ITGA2: variants seen among roughly 807,000 people sequenced by gnomAD.
ITGA2 encodes integrin subunit alpha 2, also known as integrin alpha-2.
Under a neutral mutation model 146.3 loss-of-function variants are expected in ITGA2, and 101 were observed. That is an observed-to-expected ratio of 0.69 (90% CI 0.59 to 0.81). The LOEUF is 0.81. Ranked by LOEUF, ITGA2 falls within the 40% of genes least tolerant of loss-of-function variation. The pLI, the probability that ITGA2 is intolerant of heterozygous loss-of-function variation, is 0.00. For missense variants in ITGA2, 1,281 were observed against 1,402.7 expected (o/e 0.91, Z 1.39); for synonymous variants, 477 against 487.1 (o/e 0.98, Z 0.27).
intron 2 of ITGA2, among the ~76,000 whole-genome samples, chr5:53,033,071 C>G (rs1246911820): frequency 9.9e-5 from 15 of 152,126 alleles, no homozygotes; most frequent in Admixed American, 9.8e-4. Context: ...AGTTCGAGAC[C>G]AGTCTGGCTA....
intron 1 of ITGA2, among the ~76,000 whole-genome samples, chr5:52,992,259 G>A (rs1377843841): frequency 6.6e-6 from 1 of 151,966 alleles, no homozygotes; most frequent in African/African-American, 2.4e-5. Flanking sequence ...CTCCTTCACA[G>A]GCTCTTTCCT....
At chr5:53,070,835 T>A (rs1745358574) in intron 17 of ITGA2, among the ~76,000 whole-genome samples, 1 of 151,926 alleles carries the variant, frequency 6.6e-6, no homozygotes, top group Admixed American at 6.6e-5. Flanking sequence ...TGTGAATATT[T>A]CCACCTTGGA....
intron 6 of ITGA2, among the ~76,000 whole-genome samples, 178 bp from the exon 7 acceptor site, chr5:53,051,233 T>C (rs1016175824): frequency 6.6e-6 from 1 of 152,206 alleles, no homozygotes; most frequent in East Asian, 1.9e-4. Context: ...TGATGGCCTC[T>C]AACAGAGAAG....
At position 53,016,622 on chromosome 5, in the gene ITGA2, A is replaced by C. The variant is rs142441395; in HGVS notation, c.65-10126A>C. ...GGTTCTCTGCATTTCCTGAATTTAAATGTTGGCGTCTGCAATGAGGTTGGG... is the reference window on the plus strand; with the variant it reads ...GGTTCTCTGCATTTCCTGAATTTAACTGTTGGCGTCTGCAATGAGGTTGGG... On this transcript the variant is annotated intron_variant, in intron 1 of 29. Coordinates refer to ENST00000296585, the MANE Select transcript of ITGA2 (RefSeq NM_002203.4). Among the ~76,000 whole-genome samples the C allele has an allele frequency of 4.9e-3, 741 of 152,268 alleles. 10 individuals are homozygous for C. Among genetic ancestry groups the C allele is most frequent in the Middle Eastern group, 0.027 (8 of 294 alleles).
At chr5:53,052,024 C>T (rs1007983119) in intron 7 of ITGA2, among the ~76,000 whole-genome samples, 1 of 152,078 alleles carries the variant, frequency 6.6e-6, no homozygotes, top group Admixed American at 6.6e-5. Context: ...ATACAGGACT[C>T]TCTTGATTCT....
intron 2 of ITGA2, among the ~76,000 whole-genome samples, chr5:53,033,606 TAA>T (rs1743341955): frequency 6.6e-6 from 1 of 151,910 alleles, no homozygotes; most frequent in Admixed American, 6.6e-5. Context: ...ATTAATTAAT[TAA>T]TTAATTTGAG....
At position 52,999,853 on chromosome 5, in the gene ITGA2, A is replaced by G. The variant is rs540632067; in HGVS notation, c.64+10321A>G. 3.8e-4 allele frequency among the ~76,000 whole-genome samples: 58 copies of G among 152,330 alleles called. 1 individual carries two copies. Among genetic ancestry groups the G allele is most frequent in the African/African-American group, 1.3e-3 (54 of 41,568 alleles). On this transcript the variant is annotated intron_variant, in intron 1 of 29. Coordinates refer to ENST00000296585, the MANE Select transcript of ITGA2 (RefSeq NM_002203.4). ...GAAGCATGTCTCCCAACACAGCTTA[A>G]CACATAATTTTTTAAAATGTTGTGT...
intron 1 of ITGA2, among the ~76,000 whole-genome samples, chr5:53,017,418 TTG>T (rs1447477504): frequency 6.6e-6 from 1 of 152,180 alleles, no homozygotes; most frequent in Non-Finnish European, 1.5e-5. Flanking sequence ...CCCCCCCGCT[TTG>T]TTCTCTGGTC....
At chr5:53,086,895 G>C (rs936583770) in intron 27 of ITGA2, 57 bp from the exon 28 acceptor site, 5 of 1,327,338 alleles carry the variant, frequency 3.8e-6, no homozygotes, top group South Asian at 1.2e-5. Flanking sequence ...AAGCATGCCA[G>C]CTTCTCTGCA....
intron 1 of ITGA2, among the ~76,000 whole-genome samples, chr5:53,020,836 C>T (rs892211851): frequency 4.6e-5 from 7 of 150,964 alleles, no homozygotes; most frequent in African/African-American, 1.5e-4. Flanking sequence ...TATGTGCCAC[C>T]ATGTCCGGCT....
chr5:53,048,706 A>G lies in ITGA2; in HGVS notation c.566A>G (p.Asp189Gly). The G allele has an allele frequency of 8.1e-6, 13 of 1,613,968 alleles. No individual in the cohort carries two copies. The highest frequency in any genetic ancestry group is 1.1e-5 in the Non-Finnish European group (13 of 1,179,942). ...CDESNSIYPWDAVKNFLEKFV... is the reference protein window; with the variant it reads ...CDESNSIYPWGAVKNFLEKFV... Reference sequence around the variant, plus strand: ...GAATCAAATAGTATTTATCCTTGGGATGCAGTAAAGAATTTTTTGGAAAAA... The same window carrying G: ...GAATCAAATAGTATTTATCCTTGGGGTGCAGTAAAGAATTTTTTGGAAAAA... The change falls in exon 6 of 30, where the codon GAT becomes GGT. Residue 189 changes from aspartate (D) to glycine (G), a missense_variant. Transcript: ENST00000296585.
At chr5:53,025,275 A>G (rs564077310) in intron 1 of ITGA2, among the ~76,000 whole-genome samples, 37 of 152,216 alleles carry the variant, frequency 2.4e-4, no homozygotes, top group Middle Eastern at 6.8e-3. Context: ...ATTTGCTGTT[A>G]TTTTCTTTTG....
chr5:53,014,421 G>C (rs1742302735), intron 1 of ITGA2, among the ~76,000 whole-genome samples: 1 of 151,974 alleles, frequency 6.6e-6, no homozygotes, highest in African/African-American at 2.4e-5. Context: ...GGCATTTGTT[G>C]CACCAACTTG....
chr5:53,083,196 T>G, intron 26 of ITGA2, 144 bp from the exon 27 acceptor site: 1 of 662,622 alleles, frequency 1.5e-6, no homozygotes. Context: ...GGCGGGAGAG[T>G]TAGAACTACT....
chr5:53,068,473 G>A (rs3212561), intron 16 of ITGA2, among the ~76,000 whole-genome samples: 8,068 of 151,856 alleles, frequency 0.053, 736 homozygotes, highest in African/African-American at 0.19. Context: ...TTCTGGCCCC[G>A]AAGCATAGAG....
Position 53,031,621 on chromosome 5 carries a change from A to G in ITGA2, c.185+4753A>G, listed in dbSNP as rs1441470340. Among the ~76,000 whole-genome samples the G allele has an allele frequency of 2.6e-5, 4 of 152,212 alleles. No individual in the cohort carries two copies. The East Asian group carries it at 7.7e-4, about 29-fold the overall frequency. ...CTCTTTTGCTAGTTTCATTTATGAGACTTTCATTGCACTATGAACTTCAAC... is the reference window on the plus strand; with the variant it reads ...CTCTTTTGCTAGTTTCATTTATGAGGCTTTCATTGCACTATGAACTTCAAC... On this transcript the variant is annotated intron_variant, in intron 2 of 29. Transcript: ENST00000296585.
At chr5:53,020,686 A>AT (rs958853830) in intron 1 of ITGA2, among the ~76,000 whole-genome samples, 75 of 146,182 alleles carry the variant, frequency 5.1e-4, no homozygotes, top group South Asian at 2.1e-3. Context: ...TATTATTATT[A>AT]TTTTTTTTTT....
rs60930152 is a variant in ITGA2, at chr5:53,045,391, A to G, written c.387+299A>G. 5.6e-3 allele frequency among the ~76,000 whole-genome samples: 847 copies of G among 152,326 alleles called. 4 individuals are homozygous for G. Among genetic ancestry groups the G allele is most frequent in the African/African-American group, 0.02 (815 of 41,560 alleles). ...ATTTGTTGATAACAGCAGAATCCCA[A>G]ATCTCATTTCTACTTCCTGTAGGAT... On this transcript the variant is annotated intron_variant, in intron 4 of 29. Transcript: ENST00000296585.
At chr5:52,993,074 A>G (rs1465425996) in intron 1 of ITGA2, among the ~76,000 whole-genome samples, 1 of 152,184 alleles carries the variant, frequency 6.6e-6, no homozygotes, top group East Asian at 1.9e-4. Context: ...TCTCTTTGCA[A>G]CTGACCATTA....
Sources: allele counts gnomAD v4.1 joint callset (sites outside exome capture counted in the v4.1 genomes callset), GRCh38; gene constraint gnomAD v4.1.1; transcripts MANE v1.5; gene names NCBI Gene and HGNC (gene_info 2026-07-23, HGNC 2026-07-21).